Variants in NME9 observed in about 807,000 individuals in gnomAD.
NME9 encodes the protein thioredoxin domain-containing protein 6.
NME9 carries 48 observed loss-of-function variants against 44.4 expected under a neutral mutation model. That is an observed-to-expected ratio of 1.08 (90% CI 0.86 to 1.37). The LOEUF is 1.37. Among genes scored for constraint, NME9 ranks in the 40% most tolerant of loss-of-function variants. The pLI is 0.00. For synonymous variants in NME9, 139 were observed against 147.1 expected, an observed-to-expected ratio of 0.94 and a Z score of 0.40; for missense variants, 325 against 405.2, an observed-to-expected ratio of 0.80 and a Z score of 1.70.
At position 138,301,363 on chromosome 3, in the gene NME9, C is replaced by T. The variant is rs2051834044; in HGVS notation, c.*277G>A. 2.1e-6 allele frequency: 1 copy of T among 486,014 alleles called. No homozygotes were observed. Among genetic ancestry groups the T allele is most frequent in the African/African-American group, 2.0e-5 (1 of 49,816 alleles). 30.1% of individuals were successfully genotyped at this position (486,014 alleles called of 1,614,324 possible). A position where few individuals can be genotyped will look rare whatever the true frequency, so the allele number is the denominator to read the frequency against. Reference sequence around the variant, plus strand: ...GGATGACAGGTGCACACCACCACGCCCGGCTAATTTTTTGTATTTTTAGTA... The same window carrying T: ...GGATGACAGGTGCACACCACCACGCTCGGCTAATTTTTTGTATTTTTAGTA... On this transcript the variant is annotated 3_prime_UTR_variant, in exon 11 of 11. Transcript: ENST00000333911.
At chr3:138,300,608 A>C (rs997775328), downstream of NME9, among the ~76,000 whole-genome samples, 8 of 152,232 alleles carry the variant, frequency 5.3e-5, no homozygotes, top group Non-Finnish European at 8.8e-5. Flanking sequence ...CCCTCCAGGG[A>C]AGAACTGCAG....
chr3:138,295,795 C>A, intron 8 of NME9: 2 of 1,567,730 alleles, frequency 1.3e-6, no homozygotes, highest in Non-Finnish European at 1.8e-6. Flanking sequence ...ATCATTGAAC[C>A]ATAGGGTTTT....
At chr3:138,319,951 G>A (rs1406773160) in intron 2 of NME9, among the ~76,000 whole-genome samples, 1 of 152,194 alleles carries the variant, frequency 6.6e-6, no homozygotes, top group Admixed American at 6.5e-5. Context: ...AGAGGTCACT[G>A]TAGGTGACCC....
intron 6 of NME9, among the ~76,000 whole-genome samples, chr3:138,312,966 C>CA (rs1360113210): frequency 9.2e-5 from 14 of 151,916 alleles, no homozygotes; most frequent in Non-Finnish European, 1.9e-4. Context: ...GACATTTCTC[C>CA]AAAAAAAGAC....
Position 138,275,746 on chromosome 3 carries a change from G to T in NME9, c.746-13160C>A, listed in dbSNP as rs571770744. Among the ~76,000 whole-genome samples the T allele has an allele frequency of 3.3e-5, 5 of 152,286 alleles. No individual in the cohort carries two copies. In the South Asian group the frequency reaches 1.0e-3, roughly 32 times the overall value. On this transcript the variant is annotated intron_variant, in intron 8 of 8. Transcript: ENST00000317876. ...AAGAACAGTCCAGGAAGTAAGAGTT[G>T]TAGGTCTTAGGAGCTGCAATTGAAT...
At chr3:138,266,731 TG>T (rs978969668) in intron 8 of NME9, among the ~76,000 whole-genome samples, 5 of 152,188 alleles carry the variant, frequency 3.3e-5, no homozygotes, top group African/African-American at 1.2e-4. Flanking sequence ...GATTCGTCAG[TG>T]CTCCTGGTCA....
At position 138,280,184 on chromosome 3, in the gene NME9, A is replaced by C. The variant is rs370812523; in HGVS notation, c.746-17598T>G. ...CTCCCAAAGTGCTGGGATTACAGACATGAGCCACTGTGCCTGGCTGGTAAT... is the reference window on the plus strand; with the variant it reads ...CTCCCAAAGTGCTGGGATTACAGACCTGAGCCACTGTGCCTGGCTGGTAAT... On this transcript the variant is annotated intron_variant, in intron 8 of 8. Transcript: ENST00000317876. Among the ~76,000 whole-genome samples, 9 of 152,210 alleles carry C rather than the reference A, an allele frequency of 5.9e-5. No individual in the cohort carries two copies. In the East Asian group the frequency reaches 1.5e-3, roughly 26 times the overall value.
At chr3:138,309,883 C>T (rs544720293) in intron 6 of NME9, among the ~76,000 whole-genome samples, 15 of 151,636 alleles carry the variant, frequency 9.9e-5, no homozygotes, top group Non-Finnish European at 5.9e-5. Flanking sequence ...CAAAATTAGC[C>T]AGGTGTGGTG....
intron 8 of NME9, among the ~76,000 whole-genome samples, chr3:138,277,012 T>C (rs2049358280): frequency 6.6e-6 from 1 of 152,166 alleles, no homozygotes; most frequent in Non-Finnish European, 1.5e-5. Context: ...AACACCTTGT[T>C]TCAAGACTTA....
chr3:138,304,982 G>C lies in NME9; in HGVS notation c.682C>G (p.His228Asp), dbSNP rs759978489. 1.9e-6 allele frequency: 3 copies of C among 1,613,996 alleles called. No homozygotes were observed. In the East Asian group the frequency reaches 6.7e-5, roughly 36 times the overall value. Residue 228 changes from histidine (H) to aspartate (D), a missense_variant, in exon 9 of 11, where the codon CAC becomes GAC. His to Asp is a moderately conservative substitution (Grantham distance 81). Coordinates refer to ENST00000333911, the MANE Select transcript of NME9 (RefSeq NM_001349018.2). Reference sequence around the variant, plus strand: ...TCAGTCCTGGTGAGGATCAGGAGGTGGCTTGGTCCACTGCACATGTGATGT... The same window carrying C: ...TCAGTCCTGGTGAGGATCAGGAGGTCGCTTGGTCCACTGCACATGTGATGT... ...LVHHMCSGPS[H>D]LLILTRTEGF...
intron 8 of NME9, among the ~76,000 whole-genome samples, chr3:138,268,825 G>A (rs2048519771): frequency 6.6e-6 from 1 of 152,170 alleles, no homozygotes; most frequent in Non-Finnish European, 1.5e-5. Context: ...AGTGGGGGAG[G>A]GAAATGCTAT....
intron 6 of NME9, among the ~76,000 whole-genome samples, chr3:138,311,809 C>G (rs772545325): frequency 6.6e-6 from 1 of 152,030 alleles, no homozygotes; most frequent in African/African-American, 2.4e-5. Context: ...AATTTCAAAG[C>G]CTTCCCTCAA....
In NME9 at chr3:138,329,453, C is replaced by G; in HGVS notation, c.-118G>C. On this transcript the variant is annotated 5_prime_UTR_variant, in exon 1 of 11. Transcript: ENST00000333911. ...GAGCCTCCTTCAGACAAGCCCCCCT[C>G]CTACGGCCCCCGGCCCCTTTTTAAG... 6.6e-7 allele frequency: 1 copy of G among 1,507,612 alleles called. No individual in the cohort carries two copies. The allele number at this position is 1,507,612 out of a possible 1,614,324, so 93.4% of individuals were successfully genotyped here. A position where few individuals can be genotyped will look rare whatever the true frequency, so the allele number is the denominator to read the frequency against.
At position 138,275,982 on chromosome 3, in the gene NME9, T is replaced by C. The variant is rs536977263; in HGVS notation, c.746-13396A>G. Among the ~76,000 whole-genome samples, 5 of 152,222 alleles carry C rather than the reference T, an allele frequency of 3.3e-5. No homozygotes were observed. The East Asian group carries it at 7.7e-4, about 24-fold the overall frequency. On this transcript the variant is annotated intron_variant, in intron 8 of 8. Coordinates refer to the NME9 transcript ENST00000317876. ...AAAGTACATTGTTCAAAATAAACCA[T>C]TGTACTTTGAGAGGATAGGAATGAA...
chr3:138,262,669 C>T, intron 8 of NME9: 2 of 1,336,794 alleles, frequency 1.5e-6, no homozygotes, highest in Non-Finnish European at 9.9e-7. Flanking sequence ...TGCTGTATGG[C>T]CTGGACATAG....
At chr3:138,322,078 T>C (rs998263939) in intron 2 of NME9, among the ~76,000 whole-genome samples, 4 of 152,076 alleles carry the variant, frequency 2.6e-5, no homozygotes, top group Non-Finnish European at 4.4e-5. Context: ...TTTTGTTTTT[T>C]TTAATTTCAA....
chr3:138,310,598 A>G (rs1443644334), intron 6 of NME9, among the ~76,000 whole-genome samples: 1 of 152,220 alleles, frequency 6.6e-6, no homozygotes, highest in Non-Finnish European at 1.5e-5. Context: ...ATTAGAAATC[A>G]ATAGTAAGAG....
intron 8 of NME9, among the ~76,000 whole-genome samples, chr3:138,277,418 A>C (rs1431534251): frequency 6.6e-6 from 1 of 152,264 alleles, no homozygotes; most frequent in East Asian, 1.9e-4. Context: ...TCAAACTGTA[A>C]AACTTCTGCG....
chr3:138,270,343 T>TTA (rs1356020319), intron 8 of NME9, among the ~76,000 whole-genome samples: 3 of 152,226 alleles, frequency 2.0e-5, no homozygotes, highest in Non-Finnish European at 4.4e-5. Flanking sequence ...GTTCTCTTAT[T>TTA]TATTATTAAG....
Sources: allele counts gnomAD v4.1 joint callset (sites outside exome capture counted in the v4.1 genomes callset), GRCh38; gene constraint gnomAD v4.1.1; transcripts MANE v1.5; gene names NCBI Gene and HGNC (gene_info 2026-07-23, HGNC 2026-07-21).